Variants in OR51B5 observed in about 807,000 individuals in gnomAD.
The protein encoded by OR51B5 is olfactory receptor family 51 subfamily B member 5, also known as olfactory receptor 51B5.
For synonymous variants in OR51B5, 186 were observed against 144.8 expected, an observed-to-expected ratio of 1.28 and a Z score of -2.04; for missense variants, 456 against 374.6, an observed-to-expected ratio of 1.22 and a Z score of -1.79.
At chr11:5,449,747 C>T (rs531737330) in intron 1 of OR51B5, among the ~76,000 whole-genome samples, 66 of 152,242 alleles carry the variant, frequency 4.3e-4, no homozygotes, top group Middle Eastern at 3.4e-3. Context: ...GTGGTCACAA[C>T]CTATCCCATG....
chr11:5,495,124 G>T (rs1449111248), intron 1 of OR51B5, among the ~76,000 whole-genome samples: 1 of 152,116 alleles, frequency 6.6e-6, no homozygotes, highest in Non-Finnish European at 1.5e-5. Context: ...CAGATGAGAG[G>T]TTCTAGCACT....
At chr11:5,368,479 C>T (rs570565215) in intron 1 of OR51B5, among the ~76,000 whole-genome samples, 2 of 152,232 alleles carry the variant, frequency 1.3e-5, no homozygotes, top group East Asian at 3.9e-4. Flanking sequence ...TTACTATAAT[C>T]ATCATTGAAA....
intron 1 of OR51B5, among the ~76,000 whole-genome samples, chr11:5,463,222 G>A (rs7950643): frequency 0.024 from 3,618 of 152,256 alleles, 125 homozygotes; most frequent in African/African-American, 0.08. Context: ...CAATTCAGGC[G>A]TCAGTTGACA....
rs1850979399 is a variant in OR51B5, at chr11:5,457,633, A to AT, written n.84+47935dup. Among the ~76,000 whole-genome samples the AT allele has an allele frequency of 2.0e-5, 3 of 152,004 alleles. No individual in the cohort carries two copies. The South Asian group carries it at 6.2e-4, about 32-fold the overall frequency. On this transcript the variant is annotated intron_variant and non_coding_transcript_variant, in intron 1 of 4. Coordinates refer to the OR51B5 transcript ENST00000415970. ...CTCTGCAACCTCACCAGCATCTGTA[A>AT]TTTTTTTACTTTTTAGTAATAGTCA...
At chr11:5,488,136 C>A (rs1851523487) in intron 1 of OR51B5, among the ~76,000 whole-genome samples, 1 of 152,034 alleles carries the variant, frequency 6.6e-6, no homozygotes, top group Admixed American at 6.6e-5. Context: ...CAGTCATGGG[C>A]AGTGTAGAGG....
chr11:5,496,932 G>A (rs1851658467), intron 1 of OR51B5, among the ~76,000 whole-genome samples: 1 of 152,112 alleles, frequency 6.6e-6, no homozygotes, highest in Non-Finnish European at 1.5e-5. Context: ...AGTCAATGCT[G>A]CTGGGACCAG....
chr11:5,489,720 T>C (rs976687640), intron 1 of OR51B5: 3 of 1,144,984 alleles, frequency 2.6e-6, no homozygotes, highest in African/African-American at 1.5e-5. Flanking sequence ...TCTAGATACA[T>C]TTACATGGAC....
chr11:5,351,066 C>T (rs1849077214), intron 1 of OR51B5, among the ~76,000 whole-genome samples: 1 of 152,184 alleles, frequency 6.6e-6, no homozygotes, highest in African/African-American at 2.4e-5. Flanking sequence ...TTTTAGGTCT[C>T]ACATAGCCTG....
At chr11:5,475,239 T>C (rs1851285985) in intron 1 of OR51B5, among the ~76,000 whole-genome samples, 1 of 152,202 alleles carries the variant, frequency 6.6e-6, no homozygotes, top group East Asian at 1.9e-4. Flanking sequence ...CATGCTATTT[T>C]CATGATGATA....
intron 1 of OR51B5, among the ~76,000 whole-genome samples, chr11:5,459,559 G>C (rs990516779): frequency 1.3e-5 from 2 of 151,910 alleles, no homozygotes; most frequent in Non-Finnish European, 2.9e-5. Flanking sequence ...CCATTAAAAA[G>C]TGGGCAAAAG....
At chr11:5,403,248 A>G (rs1019953013) in intron 1 of OR51B5, 29 of 471,242 alleles carry the variant, frequency 6.2e-5, no homozygotes, top group African/African-American at 5.4e-4. Context: ...GCTGATTGTG[A>G]TCTCCTATGG....
chr11:5,466,876 A>G (rs2133798056), intron 1 of OR51B5, among the ~76,000 whole-genome samples: 1 of 152,346 alleles, frequency 6.6e-6, no homozygotes, highest in East Asian at 1.9e-4. Context: ...AGAACGCCAC[A>G]GGTTTTGGGA....
chr11:5,448,886 T>A (rs1397962339), intron 1 of OR51B5, among the ~76,000 whole-genome samples: 1 of 152,226 alleles, frequency 6.6e-6, no homozygotes, highest in African/African-American at 2.4e-5. Context: ...TATTTTATTA[T>A]CTGAATGTGA....
upstream of OR51B5, among the ~76,000 whole-genome samples, chr11:5,344,736 G>A (rs1390935836): frequency 6.6e-6 from 1 of 152,124 alleles, no homozygotes; most frequent in Admixed American, 6.5e-5. Flanking sequence ...GATATTTAAA[G>A]CTCTCTGGAA....
intron 1 of OR51B5, among the ~76,000 whole-genome samples, chr11:5,374,358 T>C (rs1849491100): frequency 6.6e-6 from 1 of 151,960 alleles, no homozygotes; most frequent in Non-Finnish European, 1.5e-5. Flanking sequence ...AGACCAAAAG[T>C]AGATACAACC....
At chr11:5,398,667 A>G (rs775644104) in intron 1 of OR51B5, among the ~76,000 whole-genome samples, 1 of 151,932 alleles carries the variant, frequency 6.6e-6, no homozygotes, top group Non-Finnish European at 1.5e-5. Flanking sequence ...GTGGGAGATT[A>G]TTGGATCATG....
chr11:5,500,905 T>C (rs1366191800), intron 1 of OR51B5, among the ~76,000 whole-genome samples: 1 of 148,374 alleles, frequency 6.7e-6, no homozygotes, highest in Non-Finnish European at 1.5e-5. Context: ...AAGTAATTTA[T>C]TTGGGAAGCT....
intron 1 of OR51B5, among the ~76,000 whole-genome samples, chr11:5,426,338 A>C (rs1376824995): frequency 6.6e-6 from 1 of 152,216 alleles, no homozygotes; most frequent in Admixed American, 6.5e-5. Context: ...TTACAGCATT[A>C]CAGGATGAAG....
intron 1 of OR51B5, among the ~76,000 whole-genome samples, chr11:5,467,849 G>A (rs1362873663): frequency 6.6e-6 from 1 of 152,122 alleles, no homozygotes; most frequent in Non-Finnish European, 1.5e-5. Flanking sequence ...TTGGAGTGTT[G>A]ATTAGCTGCC....
Sources: allele counts gnomAD v4.1 joint callset (sites outside exome capture counted in the v4.1 genomes callset), GRCh38; gene constraint gnomAD v4.1.1; transcripts MANE v1.5; gene names NCBI Gene and HGNC (gene_info 2026-07-23, HGNC 2026-07-21).